Variants in ERI1 observed in about 807,000 individuals in gnomAD.
The protein encoded by ERI1 is 3'-5' exoribonuclease 1.
A neutral mutation model predicts 39.7 loss-of-function variants in ERI1; 39 were observed. That is an observed-to-expected ratio of 0.98 (90% CI 0.76 to 1.28). ERI1 has a LOEUF of 1.28. ERI1 is among the 50% of genes most tolerant of loss of function. The pLI is 0.00. For synonymous variants in ERI1, 204 were observed against 149.6 expected (o/e 1.36, Z -2.65); for missense variants, 581 against 416.9 (o/e 1.39, Z -3.43).
chr8:9,084,480 T>C (rs1271662320), intron 3 of ERI1, among the ~76,000 whole-genome samples: 1 of 152,188 alleles, frequency 6.6e-6, no homozygotes. Context: ...TTGCCTGCCT[T>C]CCCGATATCA....
chr8:9,011,704 A>T lies in ERI1; in HGVS notation c.450A>T (p.Glu150Asp). The change falls in exon 3 of 7, where the codon GAA (glutamate) becomes GAT (aspartate). Residue 150 changes from glutamate (E) to aspartate (D), a missense_variant. Glu to Asp is a conservative substitution (Grantham distance 45). Coordinates refer to ENST00000250263, the MANE Select transcript of ERI1 (RefSeq NM_153332.4). ...GAAACCCACCTGAGTTTGTACATGA[A>T]ATAATTGAATTTCCGGTTGTTTTAC... ...EEGNPPEFVH[E>D]IIEFPVVLLN... 2 of 1,612,014 alleles carry T rather than the reference A, an allele frequency of 1.2e-6. No homozygotes were observed. Among genetic ancestry groups the T allele is most frequent in the Non-Finnish European group, 1.7e-6 (2 of 1,178,836 alleles).
At chr8:9,094,413 A>G (rs1218927758) in intron 3 of ERI1, among the ~76,000 whole-genome samples, 1 of 152,142 alleles carries the variant, frequency 6.6e-6, no homozygotes, top group Non-Finnish European at 1.5e-5. Context: ...CAATTGCTGC[A>G]AGGGCTGAGT....
At chr8:9,071,442 G>A (rs910253146) in intron 3 of ERI1, among the ~76,000 whole-genome samples, 2 of 152,202 alleles carry the variant, frequency 1.3e-5, no homozygotes, top group Non-Finnish European at 2.9e-5. Context: ...TAAGTTTCTA[G>A]TAATGCCAGC....
intron 3 of ERI1, among the ~76,000 whole-genome samples, chr8:9,064,286 A>G (rs1798798528): frequency 6.6e-6 from 1 of 151,240 alleles, no homozygotes; most frequent in East Asian, 2.0e-4. Flanking sequence ...AGGGGTGGAG[A>G]CATGGAGAGA....
chr8:9,073,679 A>G (rs552343544), intron 3 of ERI1, among the ~76,000 whole-genome samples: 3 of 152,352 alleles, frequency 2.0e-5, no homozygotes, highest in South Asian at 2.1e-4. Context: ...TGAAATAATT[A>G]TATGCTTCTG....
intron 1 of ERI1, among the ~76,000 whole-genome samples, chr8:9,007,255 A>G (rs1816115201): frequency 6.6e-6 from 1 of 152,352 alleles, no homozygotes; most frequent in Non-Finnish European, 1.5e-5. Flanking sequence ...GTAAGTTTTG[A>G]AATTAAATAC....
chr8:9,063,175 A>G (rs560138957), intron 3 of ERI1, among the ~76,000 whole-genome samples: 79 of 152,304 alleles, frequency 5.2e-4, no homozygotes, highest in African/African-American at 1.8e-3. Flanking sequence ...AAATAAATGT[A>G]TATTGAGAAT....
At chr8:9,058,814 AT>A (rs1425476382) in intron 3 of ERI1, among the ~76,000 whole-genome samples, 7 of 150,390 alleles carry the variant, frequency 4.7e-5, no homozygotes, top group South Asian at 2.1e-4. Context: ...GCCAAAAAAA[AT>A]AAATAAATAA....
intron 3 of ERI1, among the ~76,000 whole-genome samples, chr8:9,015,739 A>AAAAAAAAAAAAAAAAAAG (rs10704637): frequency 6.7e-6 from 1 of 150,272 alleles, no homozygotes; most frequent in African/African-American, 2.5e-5. Context: ...AAAAAAAAAA[A>AAAAAAAAAAAAAAAAAAG]AAGAGACCAT....
chr8:9,018,334 TA>T lies in ERI1; in HGVS notation c.627del (p.Val210Ter), dbSNP rs1563322318. On this transcript the variant is annotated frameshift_variant, in exon 5 of 7. Transcript: ENST00000250263. LOFTEE classifies it high-confidence loss of function. ...AGAGCTGATACCTTCCCTCAGGTAC[TA>T]AAAAAAGTAATTGACTGGATGAAAT... is the stretch of plus-strand genomic sequence containing the variant. ...VDRADTFPQV[L>X]KKVIDWMKLK... 1.2e-6 allele frequency: 2 copies of T among 1,612,458 alleles called. No individual in the cohort carries two copies. The highest frequency in any genetic ancestry group is 1.7e-6 in the Non-Finnish European group (2 of 1,178,750).
intron 3 of ERI1, among the ~76,000 whole-genome samples, chr8:9,079,262 A>G (rs1339815558): frequency 6.6e-6 from 1 of 152,226 alleles, no homozygotes; most frequent in Admixed American, 6.5e-5. Flanking sequence ...AGAGCAGAAG[A>G]TGAAGCACTG....
chr8:9,033,930 G>A (rs1797751812), downstream of ERI1, among the ~76,000 whole-genome samples: 1 of 152,230 alleles, frequency 6.6e-6, no homozygotes, highest in Admixed American at 6.5e-5. Context: ...GTAATTTGAT[G>A]TTCATTCTTT....
At chr8:9,006,676 CT>C (rs897008471) in intron 1 of ERI1, among the ~76,000 whole-genome samples, 1 of 151,632 alleles carries the variant, frequency 6.6e-6, no homozygotes, top group Admixed American at 6.6e-5. Flanking sequence ...ACTAGCAATA[CT>C]TTTTTTTTCC....
chr8:9,096,922 T>G (rs910488772), intron 3 of ERI1: 1 of 152,078 alleles, frequency 6.6e-6, no homozygotes, highest in African/African-American at 2.4e-5. Context: ...GACATTCTTC[T>G]TTTCTTCAAT....
intron 3 of ERI1, among the ~76,000 whole-genome samples, chr8:9,013,588 T>C (rs1816907844): frequency 6.6e-6 from 1 of 152,120 alleles, no homozygotes; most frequent in African/African-American, 2.4e-5. Flanking sequence ...TCTAGTTCCA[T>C]AGCTTTCAGA....
At chr8:9,013,315 A>G (rs1008653126) in intron 3 of ERI1, among the ~76,000 whole-genome samples, 7 of 129,220 alleles carry the variant, frequency 5.4e-5, no homozygotes, top group African/African-American at 1.6e-4. Flanking sequence ...ATGCCCGGCC[A>G]TTCTCACTTA....
At chr8:9,059,132 G>T (rs1165185586) in intron 3 of ERI1, among the ~76,000 whole-genome samples, 2 of 152,116 alleles carry the variant, frequency 1.3e-5, no homozygotes, top group African/African-American at 4.8e-5. Flanking sequence ...GGGAGCTTCT[G>T]AGCCAGGATG....
intron 3 of ERI1, chr8:9,049,877 A>C (rs1798302263): frequency 6.6e-6 from 1 of 152,290 alleles, no homozygotes; most frequent in South Asian, 2.1e-4. Context: ...AGTGGACAGC[A>C]ATGCCCAGAG....
chr8:9,095,216 G>T (rs1291318070), intron 3 of ERI1, among the ~76,000 whole-genome samples: 1 of 152,150 alleles, frequency 6.6e-6, no homozygotes, highest in African/African-American at 2.4e-5. Context: ...TAGATTCAGG[G>T]AGTACATGTG....
Sources: gnomAD v4.1 joint callset for allele counts (sites outside exome capture counted in the v4.1 genomes callset) on GRCh38, gnomAD v4.1.1 for gene constraint, MANE v1.5 for transcripts, NCBI Gene and HGNC (gene_info 2026-07-23, HGNC 2026-07-21) for gene names.